Variants in SUGCT observed in about 807,000 individuals in gnomAD.
SUGCT encodes succinyl-CoA:glutarate-CoA transferase.
In SUGCT, 41 loss-of-function variants were observed where a neutral mutation model predicts 55.0. That is an observed-to-expected ratio of 0.74 (90% CI 0.58 to 0.97). The LOEUF (loss-of-function observed/expected upper bound fraction) is 0.97. Among genes scored for constraint, SUGCT ranks in the 50% least tolerant of loss-of-function variants. SUGCT has a pLI of 0.00. For synonymous variants in SUGCT, 187 were observed against 200.4 expected (o/e 0.93, Z 0.56); for missense variants, 568 against 547.8 (o/e 1.04, Z -0.37).
chr7:40,926,260 A>G, the SUGCT span, among the ~76,000 whole-genome samples: 6 of 152,172 alleles, frequency 3.9e-5, no homozygotes, highest in Admixed American at 3.9e-4. Flanking sequence ...TTCTTAGCTT[A>G]TAATGGAAAT....
chr7:40,467,941 T>G (rs1790207837), intron 11 of SUGCT, among the ~76,000 whole-genome samples: 1 of 151,858 alleles, frequency 6.6e-6, no homozygotes, highest in South Asian at 2.1e-4. Flanking sequence ...ATTTCCTAAT[T>G]AAGACTATTA....
intron 13 of SUGCT, among the ~76,000 whole-genome samples, chr7:40,763,921 G>T (rs1788655715): frequency 6.6e-6 from 1 of 152,134 alleles, no homozygotes; most frequent in Admixed American, 6.6e-5. Context: ...TTAGAAAGGA[G>T]AAATTCTTCT....
At chr7:40,647,658 C>G (rs1800587028) in intron 12 of SUGCT, among the ~76,000 whole-genome samples, 1 of 152,044 alleles carries the variant, frequency 6.6e-6, no homozygotes, top group Non-Finnish European at 1.5e-5. Context: ...GGAGACCAGC[C>G]TGGCTAACAT....
chr7:40,375,528 A>G (rs1383529238), intron 9 of SUGCT, among the ~76,000 whole-genome samples: 5 of 152,138 alleles, frequency 3.3e-5, no homozygotes, highest in Non-Finnish European at 4.4e-5. Flanking sequence ...TATTTCCTTC[A>G]TGGAATGTTC....
At chr7:40,990,418 A>G in the SUGCT span, among the ~76,000 whole-genome samples, 1 of 152,242 alleles carries the variant, frequency 6.6e-6, no homozygotes, top group African/African-American at 2.4e-5. Flanking sequence ...CTGTAAACAA[A>G]TGTGCTGTCA....
At chr7:40,640,771 G>A (rs780195753) in intron 12 of SUGCT, among the ~76,000 whole-genome samples, 1 of 152,196 alleles carries the variant, frequency 6.6e-6, no homozygotes, top group Non-Finnish European at 1.5e-5. Context: ...ATATTTTATA[G>A]TAGAATGCAA....
chr7:40,654,977 A>T (rs1224209390), intron 12 of SUGCT, among the ~76,000 whole-genome samples: 1 of 152,226 alleles, frequency 6.6e-6, no homozygotes, highest in Non-Finnish European at 1.5e-5. Context: ...AAAGGCAATT[A>T]AAACAACCAA....
At chr7:40,214,280 A>G (rs1787501074) in intron 6 of SUGCT, among the ~76,000 whole-genome samples, 1 of 152,206 alleles carries the variant, frequency 6.6e-6, no homozygotes, top group Non-Finnish European at 1.5e-5. Flanking sequence ...ACTGTCCTCA[A>G]GGAGTCCTTA....
At chr7:40,945,536 GGAA>G in the SUGCT span, among the ~76,000 whole-genome samples, 3 of 152,230 alleles carry the variant, frequency 2.0e-5, no homozygotes, top group African/African-American at 4.8e-5. Flanking sequence ...GTGGGTGAGA[GGAA>G]GAAGAAGTCC....
chr7:40,449,170 T>A lies in SUGCT; in HGVS notation c.817-117T>A, dbSNP rs536338513. 1.1e-4 allele frequency: 73 copies of A among 644,302 alleles called. No individual in the cohort carries two copies. The African/African-American group carries it at 1.3e-3, about 12-fold the overall frequency. The allele number at this position is 644,302 out of a possible 1,614,324, so 39.9% of individuals were successfully genotyped here. A position where few individuals can be genotyped will look rare whatever the true frequency, so the allele number is the denominator to read the frequency against. ...TATGAAAAAGATACAAATTAATCGA[T>A]ATTGAATTAATAACATTGCTTTAGA... On this transcript the variant is annotated intron_variant, in intron 9 of 13. Coordinates refer to ENST00000335693, the MANE Select transcript of SUGCT (RefSeq NM_001193313.2).
the SUGCT span, among the ~76,000 whole-genome samples, chr7:40,901,404 C>T: frequency 3.9e-5 from 6 of 152,296 alleles, no homozygotes; most frequent in African/African-American, 1.4e-4. Context: ...GGGAGCCTGG[C>T]CCTATCTATC....
intron 13 of SUGCT, among the ~76,000 whole-genome samples, chr7:40,786,596 T>C (rs1790025524): frequency 6.6e-6 from 1 of 152,224 alleles, no homozygotes; most frequent in African/African-American, 2.4e-5. Flanking sequence ...TAAAGAGCCA[T>C]ATTAAGCAAT....
At chr7:40,629,338 A>G (rs1461390109) in intron 12 of SUGCT, among the ~76,000 whole-genome samples, 3 of 152,204 alleles carry the variant, frequency 2.0e-5, no homozygotes, top group Non-Finnish European at 4.4e-5. Flanking sequence ...GTAATAAACC[A>G]GGAGTGAGGG....
At chr7:40,499,048 CAG>C (rs1562819693) in intron 12 of SUGCT, 14 of 456,498 alleles carry the variant, frequency 3.1e-5, no homozygotes, top group Non-Finnish European at 5.3e-5. Flanking sequence ...TGATGAGCTG[CAG>C]AGTTTCTTGG....
intron 12 of SUGCT, among the ~76,000 whole-genome samples, chr7:40,514,029 A>T (rs570539663): frequency 2.6e-5 from 4 of 151,918 alleles, no homozygotes; most frequent in Non-Finnish European, 4.4e-5. Flanking sequence ...TGACCTCGTG[A>T]TCCGCCCGCC....
intron 12 of SUGCT, among the ~76,000 whole-genome samples, chr7:40,674,249 GAA>G (rs1186290121): frequency 3.9e-5 from 6 of 152,192 alleles, no homozygotes; most frequent in African/African-American, 9.7e-5. Context: ...ACAGTCTGTG[GAA>G]AGTTTCATTA....
At chr7:40,638,463 G>A (rs554441763) in intron 12 of SUGCT, among the ~76,000 whole-genome samples, 1 of 152,128 alleles carries the variant, frequency 6.6e-6, no homozygotes, top group African/African-American at 2.4e-5. Context: ...GTTAATCTCA[G>A]CGCTTTACAT....
At position 40,316,806 on chromosome 7, in the gene SUGCT, AG is replaced by A; in HGVS notation, c.769del (p.Glu257LysfsTer26). ...HIAANYLIGQ[K>X]EAKRWGTAHG... Reference sequence around the variant, plus strand: ...GCTGCAAATTATCTTATTGGTCAAAAGGAAGCAAAACGTTGGGGTACAGCTC... The same window carrying A: ...GCTGCAAATTATCTTATTGGTCAAAAGAAGCAAAACGTTGGGGTACAGCTC... On this transcript the variant is annotated frameshift_variant, in exon 9 of 14. Coordinates refer to ENST00000335693, the MANE Select transcript of SUGCT (RefSeq NM_001193313.2). LOFTEE classifies it high-confidence loss of function. The A allele has an allele frequency of 6.2e-7, 1 of 1,603,504 alleles. No individual in the cohort carries two copies. The highest frequency in any genetic ancestry group is 2.2e-5 in the East Asian group (1 of 44,672).
At chr7:40,606,783 TTAAAAA>T (rs532396060) in intron 12 of SUGCT, among the ~76,000 whole-genome samples, 260 of 152,320 alleles carry the variant, frequency 1.7e-3, no homozygotes, top group Admixed American at 4.2e-3. Flanking sequence ...CAGAAATGAC[TTAAAAA>T]TAAACTCTAG....
Sources: allele counts gnomAD v4.1 joint callset (sites outside exome capture counted in the v4.1 genomes callset), GRCh38; gene constraint gnomAD v4.1.1; transcripts MANE v1.5; gene names NCBI Gene and HGNC (gene_info 2026-07-23, HGNC 2026-07-21).